Variants in CLNK observed in about 807,000 individuals in gnomAD.
The protein encoded by CLNK is cytokine dependent hematopoietic cell linker, also known as cytokine-dependent hematopoietic cell linker.
Under a neutral mutation model 68.6 loss-of-function variants are expected in CLNK, and 74 were observed. The observed-to-expected ratio is 1.08, with a 90% CI of 0.89 to 1.31. The LOEUF is 1.31. Among genes scored for constraint, CLNK ranks in the 50% most tolerant of loss-of-function variants. CLNK has a pLI of 0.00. For missense variants in CLNK, 553 were observed against 515.3 expected, an observed-to-expected ratio of 1.07 and a Z score of -0.71; for synonymous variants, 198 against 172.2, an observed-to-expected ratio of 1.15 and a Z score of -1.17.
intron 2 of CLNK, among the ~76,000 whole-genome samples, chr4:10,620,313 C>T (rs947160988): frequency 6.6e-6 from 1 of 152,194 alleles, no homozygotes; most frequent in African/African-American, 2.4e-5. Flanking sequence ...CATTTGGAAC[C>T]CATTGCTTTG....
chr4:10,671,992 A>G (rs1397705107), intron 1 of CLNK, among the ~76,000 whole-genome samples: 1 of 152,152 alleles, frequency 6.6e-6, no homozygotes, highest in Admixed American at 6.5e-5. Context: ...CTACGCAGCT[A>G]CTTAGGTCGT....
intron 3 of CLNK, among the ~76,000 whole-genome samples, chr4:10,593,744 T>G (rs1442997341): frequency 6.6e-6 from 1 of 152,224 alleles, no homozygotes; most frequent in Non-Finnish European, 1.5e-5. Flanking sequence ...CCCTGAGAAA[T>G]TATGGCTGCC....
intron 15 of CLNK, among the ~76,000 whole-genome samples, chr4:10,515,187 G>A (rs535379806): frequency 3.4e-4 from 51 of 152,202 alleles, no homozygotes; most frequent in African/African-American, 1.1e-3. Context: ...GCAATGAGCC[G>A]AGATCATGCC....
chr4:10,515,136 G>T (rs149709236), intron 15 of CLNK, among the ~76,000 whole-genome samples: 2,131 of 152,206 alleles, frequency 0.014, 15 homozygotes, highest in Non-Finnish European at 0.019. Flanking sequence ...TACTAGGGAG[G>T]CTGAGGCAGG....
chr4:10,732,702 A>T, the CLNK span, among the ~76,000 whole-genome samples: 5 of 151,692 alleles, frequency 3.3e-5, no homozygotes, highest in African/African-American at 1.2e-4. Context: ...CATTATAAAT[A>T]TATATATGAC....
intron 1 of CLNK, among the ~76,000 whole-genome samples, chr4:10,680,047 G>A (rs1017445743): frequency 6.6e-6 from 1 of 152,020 alleles, no homozygotes; most frequent in Admixed American, 6.6e-5. Context: ...AAATCATGCT[G>A]CTATAAAGAC....
upstream of CLNK, among the ~76,000 whole-genome samples, chr4:10,687,412 C>A (rs868867395): frequency 1.3e-5 from 2 of 150,956 alleles, no homozygotes; most frequent in African/African-American, 4.9e-5. Context: ...GAGGTGTTGA[C>A]AATAGGTAGA....
chr4:10,525,958 A>T, intron 13 of CLNK, 36 bp from the exon 14 acceptor site: 2 of 1,290,344 alleles, frequency 1.5e-6, no homozygotes, highest in Non-Finnish European at 2.2e-6. Context: ...GTCAGGTTGC[A>T]AAAGAAAAAT....
chr4:10,537,647 C>CTTTATTTA (rs1341751481), intron 11 of CLNK, among the ~76,000 whole-genome samples: 1 of 47,288 alleles, frequency 2.1e-5, no homozygotes, highest in South Asian at 1.0e-3. Context: ...CTCTTTCTTT[C>CTTTATTTA]TTTCTTTCTT....
intron 2 of CLNK, among the ~76,000 whole-genome samples, chr4:10,628,439 C>T (rs549033024): frequency 1.1e-4 from 17 of 152,102 alleles, no homozygotes; most frequent in Non-Finnish European, 1.2e-4. Context: ...AGATTAGTTA[C>T]ATTTTTCGGT....
At chr4:10,578,481 G>T (rs1258724684) in intron 4 of CLNK, among the ~76,000 whole-genome samples, 5 of 151,734 alleles carry the variant, frequency 3.3e-5, no homozygotes, top group Admixed American at 2.0e-4. Flanking sequence ...AAATCATTTG[G>T]CACATAACAC....
chr4:10,634,185 C>T (rs944101473), intron 2 of CLNK, among the ~76,000 whole-genome samples: 2 of 152,122 alleles, frequency 1.3e-5, no homozygotes, highest in Non-Finnish European at 2.9e-5. Flanking sequence ...TAGTAAGGCC[C>T]ATAAGAAGAG....
At chr4:10,567,517 C>T (rs1720168514) in intron 5 of CLNK, among the ~76,000 whole-genome samples, 1 of 152,110 alleles carries the variant, frequency 6.6e-6, no homozygotes, top group African/African-American at 2.4e-5. Context: ...CATTTCTTGG[C>T]TTAGGCAATG....
At chr4:10,710,087 G>T in the CLNK span, among the ~76,000 whole-genome samples, 1 of 152,292 alleles carries the variant, frequency 6.6e-6, no homozygotes, top group East Asian at 1.9e-4. Context: ...GCAATATTCA[G>T]ATGGAAACAT....
chr4:10,661,604 C>A (rs1460604104), intron 2 of CLNK, among the ~76,000 whole-genome samples: 1 of 152,138 alleles, frequency 6.6e-6, no homozygotes, highest in Non-Finnish European at 1.5e-5. Context: ...TAGCACAGTG[C>A]CTGGCGTGTC....
intron 2 of CLNK, among the ~76,000 whole-genome samples, chr4:10,619,554 C>T (rs1376844516): frequency 6.6e-6 from 1 of 151,884 alleles, no homozygotes; most frequent in African/African-American, 2.4e-5. Context: ...AGCTTCATTT[C>T]TGCAGGAAAC....
chr4:10,651,945 TACAC>T (rs1560263060), intron 2 of CLNK, among the ~76,000 whole-genome samples: 5 of 149,192 alleles, frequency 3.4e-5, no homozygotes, highest in Admixed American at 3.3e-4. Flanking sequence ...GTTAGAAAAA[TACAC>T]ATACATATAT....
chr4:10,607,811 CCTAA>C (rs1367086374), intron 2 of CLNK, among the ~76,000 whole-genome samples: 2 of 152,074 alleles, frequency 1.3e-5, no homozygotes, highest in Non-Finnish European at 2.9e-5. Flanking sequence ...AGATTTGAGC[CCTAA>C]CTATTTTATC....
intron 2 of CLNK, among the ~76,000 whole-genome samples, chr4:10,666,310 G>A (rs1231576198): frequency 2.0e-5 from 3 of 152,288 alleles, no homozygotes; most frequent in African/African-American, 7.2e-5. Context: ...GCTGTGCTGT[G>A]TATGCCATCA....
Sources: gnomAD v4.1 joint callset for allele counts (sites outside exome capture counted in the v4.1 genomes callset) on GRCh38, gnomAD v4.1.1 for gene constraint, MANE v1.5 for transcripts, NCBI Gene and HGNC (gene_info 2026-07-23, HGNC 2026-07-21) for gene names.